The following DYNC1LI1 variants were observed in gnomAD, a reference collection of about 807,000 sequenced individuals.
DYNC1LI1 encodes the protein cytoplasmic dynein 1 light intermediate chain 1.
In DYNC1LI1, 19 loss-of-function variants were observed where a neutral mutation model predicts 63.8. That is an observed-to-expected ratio of 0.30 (90% CI 0.21 to 0.44). The LOEUF (loss-of-function observed/expected upper bound fraction) is 0.44. DYNC1LI1 is among the 20% of genes least tolerant of loss of function. DYNC1LI1 has a pLI of 1.00. For missense variants in DYNC1LI1, 565 were observed against 630.2 expected, an observed-to-expected ratio of 0.90 and a Z score of 1.11; for synonymous variants, 225 against 232.3, an observed-to-expected ratio of 0.97 and a Z score of 0.28.
chr3:32,560,553 TA>T (rs1380675390), intron 2 of DYNC1LI1, among the ~76,000 whole-genome samples: 15 of 151,964 alleles, frequency 9.9e-5, no homozygotes, highest in African/African-American at 3.4e-4. Context: ...CCAACACAAG[TA>T]ACAGACACAA....
chr3:32,557,343 C>G (rs536370736), intron 2 of DYNC1LI1, among the ~76,000 whole-genome samples: 1 of 151,920 alleles, frequency 6.6e-6, no homozygotes, highest in Non-Finnish European at 1.5e-5. Flanking sequence ...TGACGAAACC[C>G]TATCTCTACT....
intron 2 of DYNC1LI1, among the ~76,000 whole-genome samples, chr3:32,563,669 T>C (rs1464955740): frequency 1.3e-5 from 2 of 152,214 alleles, no homozygotes; most frequent in African/African-American, 2.4e-5. Context: ...CTTTCTGTTT[T>C]ATATTTTCTA....
In DYNC1LI1 at chr3:32,533,077, T is replaced by A; in HGVS notation, c.989A>T (p.Asp330Val). The change falls in exon 8 of 13, where the codon GAT becomes GTT. Residue 330 changes from aspartate to valine, a missense_variant. By Grantham distance (152) the Asp-to-Val change is radical (BLOSUM62 -3). Transcript: ENST00000273130. ...TTCATGTAATATTCCTATTTTCTTA[T>A]CATTATCCCACCCTGCTGGACTGGA... is the stretch of plus-strand genomic sequence containing the variant. ...AVFIPAGWDN[D>V]KKIGILHENF... 3 of 1,600,690 alleles carry A rather than the reference T, an allele frequency of 1.9e-6. No individual in the cohort carries two copies. The highest frequency in any genetic ancestry group is 2.5e-6 in the Non-Finnish European group (3 of 1,177,092).
chr3:32,563,512 G>C (rs1001221029), intron 2 of DYNC1LI1, among the ~76,000 whole-genome samples: 1 of 151,936 alleles, frequency 6.6e-6, no homozygotes, highest in African/African-American at 2.4e-5. Context: ...GGCTGGTCTC[G>C]AACTCATGAC....
intron 5 of DYNC1LI1, 76 bp downstream of exon 5, chr3:32,540,961 C>CA: frequency 8.0e-7 from 1 of 1,255,288 alleles, no homozygotes; most frequent in Non-Finnish European, 1.1e-6. Flanking sequence ...GTGTTAACTC[C>CA]AAAAAACCTG....
chr3:32,534,815 AT>A (rs1195816308), intron 6 of DYNC1LI1, among the ~76,000 whole-genome samples, 169 bp from the exon 7 acceptor site: 1 of 152,240 alleles, frequency 6.6e-6, no homozygotes, highest in Non-Finnish European at 1.5e-5. Context: ...TACTACCTTC[AT>A]ATGGGCTACA....
At chr3:32,565,833 T>G (rs144228907) in intron 2 of DYNC1LI1, among the ~76,000 whole-genome samples, 1 of 152,184 alleles carries the variant, frequency 6.6e-6, no homozygotes, top group East Asian at 1.9e-4. Context: ...GGTCTCGAAC[T>G]CTTGACCTCA....
At chr3:32,542,694 T>C (rs1312215848) in intron 4 of DYNC1LI1, among the ~76,000 whole-genome samples, 1 of 152,166 alleles carries the variant, frequency 6.6e-6, no homozygotes, top group African/African-American at 2.4e-5. Context: ...CGTGAGCCAC[T>C]GCGCCCAGCC....
intron 2 of DYNC1LI1, 79 bp downstream of exon 2, chr3:32,570,267 G>C (rs1214113552): frequency 1.7e-6 from 2 of 1,176,948 alleles, no homozygotes; most frequent in Non-Finnish European, 2.5e-6. Flanking sequence ...CACAAAGAGA[G>C]CCAGCGAGCT....
intron 4 of DYNC1LI1, among the ~76,000 whole-genome samples, chr3:32,542,540 T>A (rs1697896486): frequency 6.6e-6 from 1 of 151,846 alleles, no homozygotes; most frequent in African/African-American, 2.4e-5. Context: ...CCCAAGGGGC[T>A]GGGACTACAG....
chr3:32,539,887 C>CA (rs1216028525), intron 5 of DYNC1LI1, among the ~76,000 whole-genome samples: 1 of 144,598 alleles, frequency 6.9e-6, no homozygotes, highest in East Asian at 2.2e-4. Flanking sequence ...AATTTTGAGA[C>CA]AGAGTCTCAC....
rs148746060 is a variant in DYNC1LI1 at position 32,565,883 on chromosome 3, T to C, written c.220+4463A>G. Among the ~76,000 whole-genome samples, 1,336 of 152,286 alleles carry C rather than the reference T, an allele frequency of 8.8e-3. 28 individuals are homozygous for C. Among genetic ancestry groups the C allele is most frequent in the African/African-American group, 0.03 (1,267 of 41,560 alleles). ...TCAGCCTCCTAAAGTGCTAGGATTA[T>C]AGGCAGGAGCCATGGGGCCGGCCTC... On this transcript the variant is annotated intron_variant, in intron 2 of 12. Coordinates refer to ENST00000273130, the MANE Select transcript of DYNC1LI1 (RefSeq NM_016141.4).
At chr3:32,562,514 T>A (rs554567569) in intron 2 of DYNC1LI1, among the ~76,000 whole-genome samples, 117 of 152,014 alleles carry the variant, frequency 7.7e-4, no homozygotes, top group South Asian at 5.8e-3. Flanking sequence ...ATTTAAAAAA[T>A]TTTTTTTGTA....
rs1321651448 is a variant in DYNC1LI1 at position 32,530,335 on chromosome 3, A to G, written c.1141-7T>C. The G allele has an allele frequency of 1.3e-6, 2 of 1,504,094 alleles. No individual in the cohort carries two copies. The highest frequency in any genetic ancestry group is 1.4e-5 in the African/African-American group (1 of 71,616). 93.2% of individuals were successfully genotyped at this position (1,504,094 alleles called of 1,614,324 possible). On this transcript the variant is annotated splice_region_variant and splice_polypyrimidine_tract_variant and intron_variant, in intron 9 of 12. Coordinates refer to ENST00000273130, the MANE Select transcript of DYNC1LI1 (RefSeq NM_016141.4). ...GTTGCTTTGCTAAAAGGGACTGAAA[A>G]AAAAAAAAAAAAAGAATCCTAGTTT...
chr3:32,557,887 T>G (rs1376751534), intron 2 of DYNC1LI1, among the ~76,000 whole-genome samples: 1 of 152,212 alleles, frequency 6.6e-6, no homozygotes, highest in Non-Finnish European at 1.5e-5. Context: ...AGAGTTCCTG[T>G]TCAAACAGAC....
rs147845723 is a variant in DYNC1LI1, at chr3:32,570,703, C to G, written c.68G>C (p.Gly23Ala). ...CGCTATCTCGTTGCCCAAGGGGCCG[C>G]CAGTGTAAGTCGAGGATAATCCCGG... ...SPPGLSSTYTGGPLGNEIASG... is the reference protein window; with the variant it reads ...SPPGLSSTYTAGPLGNEIASG... Residue 23 changes from glycine (G) to alanine (A), a missense_variant, in exon 1 of 13, where the codon GGC becomes GCC. Gly to Ala is a moderately conservative substitution (Grantham distance 60, BLOSUM62 0). Coordinates refer to ENST00000273130, the MANE Select transcript of DYNC1LI1 (RefSeq NM_016141.4). The G allele has an allele frequency of 3.2e-5, 52 of 1,609,438 alleles. No homozygotes were observed. The African/African-American group carries it at 6.3e-4, about 20-fold the overall frequency.
At position 32,570,779 on chromosome 3, in the gene DYNC1LI1, G is replaced by A. The variant is rs774930254; in HGVS notation, c.-9C>T. ...CGCCCCACGGCCGCCATCTTGGTCG[G>A]GAATCACACCACTCCCGGCAAGACT... On this transcript the variant is annotated 5_prime_UTR_variant, in exon 1 of 13. Coordinates refer to ENST00000273130, the MANE Select transcript of DYNC1LI1 (RefSeq NM_016141.4). 8 of 1,600,462 alleles carry A rather than the reference G, an allele frequency of 5.0e-6. No individual in the cohort carries two copies. Among genetic ancestry groups the A allele is most frequent in the Admixed American group, 1.7e-5 (1 of 58,988 alleles).
rs1444751621 is a variant in DYNC1LI1 at position 32,541,087 on chromosome 3, C to G, written c.688G>C (p.Asp230His). 3.1e-5 allele frequency: 50 copies of G among 1,613,704 alleles called. No individual in the cohort carries two copies. The highest frequency in any genetic ancestry group is 4.2e-5 in the Non-Finnish European group (49 of 1,179,860). Residue 230 changes from aspartate to histidine, a missense_variant, in exon 5 of 13, where the codon GAT (aspartate) becomes CAT (histidine). Physicochemically the swap from Asp to His is moderately conservative, Grantham distance 81 (BLOSUM62 -1). Coordinates refer to ENST00000273130, the MANE Select transcript of DYNC1LI1 (RefSeq NM_016141.4). Reference sequence around the variant, plus strand: ...ATGCCCAAGTTATGTGTAAGTGTATCCGCACCCAGAGGTAAAACTACACTG... The same window carrying G: ...ATGCCCAAGTTATGTGTAAGTGTATGCGCACCCAGAGGTAAAACTACACTG... ...DDSVVLPLGA[D>H]TLTHNLGIPV... is the part of the protein sequence containing the mutation.
chr3:32,568,583 C>A (rs1256503318), intron 2 of DYNC1LI1, among the ~76,000 whole-genome samples: 4 of 151,836 alleles, frequency 2.6e-5, no homozygotes, highest in Non-Finnish European at 5.9e-5. Flanking sequence ...ACACTCAGTC[C>A]CATGCACAGA....
Sources: allele counts gnomAD v4.1 joint callset (sites outside exome capture counted in the v4.1 genomes callset), GRCh38; gene constraint gnomAD v4.1.1; transcripts MANE v1.5; gene names NCBI Gene and HGNC (gene_info 2026-07-23, HGNC 2026-07-21).